Variants in MBP observed in about 807,000 individuals in gnomAD.
The protein encoded by MBP is myelin basic protein, also known as Golli-MBP.
A neutral mutation model predicts 35.8 loss-of-function variants in MBP; 16 were observed. The ratio of observed to expected loss-of-function variants is 0.45; its 90% CI spans 0.30 to 0.68. MBP has a LOEUF of 0.68. MBP is among the 30% of genes least tolerant of loss of function. MBP has a pLI of 0.08. For missense variants in MBP, 380 were observed against 404.7 expected (o/e 0.94, Z 0.52); for synonymous variants, 143 against 159.6 (o/e 0.90, Z 0.78).
intron 3 of MBP, among the ~76,000 whole-genome samples, chr18:77,050,008 A>C (rs1973421506): frequency 6.6e-6 from 1 of 152,142 alleles, no homozygotes; most frequent in African/African-American, 2.4e-5. Flanking sequence ...TCCCAAAACA[A>C]AAAGCACTTT....
chr18:77,035,584 C>T (rs1972732883), intron 3 of MBP, among the ~76,000 whole-genome samples: 1 of 152,222 alleles, frequency 6.6e-6, no homozygotes, highest in African/African-American at 2.4e-5. Flanking sequence ...TGTGAACTGT[C>T]TTGACCAGCA....
At chr18:77,018,148 CCCAT>C (rs1331178258) in intron 3 of MBP, among the ~76,000 whole-genome samples, 2 of 152,014 alleles carry the variant, frequency 1.3e-5, no homozygotes, top group African/African-American at 2.4e-5. Context: ...AGTCCATTTA[CCCAT>C]CCATCCATCT....
At chr18:77,086,082 A>G (rs924788354) in intron 2 of MBP, among the ~76,000 whole-genome samples, 7 of 152,238 alleles carry the variant, frequency 4.6e-5, no homozygotes, top group African/African-American at 1.7e-4. Flanking sequence ...CCTTACCTAA[A>G]GGAGCAAACT....
At chr18:77,028,851 TGTGATGGCGGCCGGGCAG>T (rs1568301457) in intron 3 of MBP, among the ~76,000 whole-genome samples, 65 of 66,746 alleles carry the variant, frequency 9.7e-4, no homozygotes, top group African/African-American at 1.6e-3. Flanking sequence ...ACTTCCCAGA[TGTGATGGCGGCCGGGCAG>T]AGGCGCTCCT....
intron 2 of MBP, among the ~76,000 whole-genome samples, chr18:77,081,819 TACACAC>T (rs763116257): frequency 3.9e-5 from 3 of 76,262 alleles, no homozygotes; most frequent in Non-Finnish European, 5.6e-5. Context: ...CACACATATA[TACACAC>T]ACACACACAC....
At chr18:77,042,549 C>G (rs1599128707) in intron 3 of MBP, among the ~76,000 whole-genome samples, 1 of 152,200 alleles carries the variant, frequency 6.6e-6, no homozygotes, top group East Asian at 1.9e-4. Context: ...ATAGACATGA[C>G]CCCCAGCTTA....
At chr18:77,039,774 C>G (rs1285718825) in intron 3 of MBP, among the ~76,000 whole-genome samples, 1 of 152,140 alleles carries the variant, frequency 6.6e-6, no homozygotes, top group Non-Finnish European at 1.5e-5. Flanking sequence ...GAAGGAAGAA[C>G]AGGATTTGTG....
At chr18:77,014,086 CCTTT>C in intron 4 of MBP, 1 of 985,474 alleles carries the variant, frequency 1.0e-6, no homozygotes, top group Non-Finnish European at 1.2e-6. Context: ...CAACAACAGT[CCTTT>C]CTTTCCTCTC....
At chr18:77,021,782 C>T (rs1472758243) in intron 3 of MBP, among the ~76,000 whole-genome samples, 4 of 152,212 alleles carry the variant, frequency 2.6e-5, no homozygotes, top group African/African-American at 9.6e-5. Context: ...CGTGCCCAGC[C>T]TCTACTTTTA....
chr18:77,091,967 A>T (rs1458827952), intron 2 of MBP, among the ~76,000 whole-genome samples: 1 of 152,260 alleles, frequency 6.6e-6, no homozygotes, highest in Non-Finnish European at 1.5e-5. Flanking sequence ...TAAACTTTTA[A>T]AACCAGATTG....
At chr18:77,047,326 C>T (rs925180647) in intron 3 of MBP, among the ~76,000 whole-genome samples, 5 of 152,232 alleles carry the variant, frequency 3.3e-5, no homozygotes, top group Admixed American at 6.5e-5. Context: ...GCAGCACTAG[C>T]GTGCGCTACT....
intron 4 of MBP, chr18:77,004,076 G>A (rs1970777780): frequency 1.3e-5 from 2 of 152,178 alleles, no homozygotes; most frequent in Non-Finnish European, 2.9e-5. Context: ...GGCTGGAGAT[G>A]AGACGACACA....
At chr18:77,084,431 C>CCACACACACACACACACACACA (rs60010988) in intron 2 of MBP, among the ~76,000 whole-genome samples, 1 of 105,884 alleles carries the variant, frequency 9.4e-6, no homozygotes. Context: ...CCACACCACA[C>CCACACACACACACACACACACA]CACACACACA....
chr18:77,085,232 A>G (rs1400765959), intron 2 of MBP, among the ~76,000 whole-genome samples: 1 of 152,224 alleles, frequency 6.6e-6, no homozygotes, highest in East Asian at 1.9e-4. Context: ...CCCAGAACAT[A>G]TTCCCCTGTG....
intron 1 of MBP, chr18:77,112,510 G>C (rs1357268300): frequency 6.6e-6 from 1 of 152,244 alleles, no homozygotes; most frequent in East Asian, 1.9e-4. Context: ...GGGAAGCTGA[G>C]GTTTTCCTAT....
intron 3 of MBP, among the ~76,000 whole-genome samples, chr18:77,039,603 G>T (rs1243217028): frequency 6.6e-6 from 1 of 152,240 alleles, no homozygotes; most frequent in East Asian, 1.9e-4. Flanking sequence ...CAGCAGGCAT[G>T]CAGGGGAGGG....
At position 77,020,023 on chromosome 18, in the gene MBP, A is replaced by G. The variant is rs1283911569; in HGVS notation, c.140-2755T>C. ...CTTGATGGCTGTGAACAGACTGTGG[A>G]AAGGGCAGAGCAGGCAGCTATGTGG... On this transcript the variant is annotated intron_variant, in intron 3 of 8. Transcript: ENST00000355994. This position sits in a 1 kb window ranked among gnomAD's most constrained non-coding sequence, Gnocchi z 4.1. 6.6e-6 allele frequency among the ~76,000 whole-genome samples: 1 copy of G among 152,134 alleles called. No homozygotes were observed. Among genetic ancestry groups the G allele is most frequent in the Non-Finnish European group, 1.5e-5 (1 of 68,008 alleles).
At chr18:77,014,285 T>C in intron 4 of MBP, 3 of 985,470 alleles carry the variant, frequency 3.0e-6, no homozygotes, top group Non-Finnish European at 3.6e-6. Flanking sequence ...CCAGCGGCCA[T>C]GTGCCCTCAA....
intron 3 of MBP, among the ~76,000 whole-genome samples, chr18:77,035,246 T>G (rs1415025594): frequency 6.6e-6 from 1 of 152,222 alleles, no homozygotes; most frequent in East Asian, 1.9e-4. Context: ...TCACAGTAAC[T>G]GGGACCCACC....
Sources: allele counts gnomAD v4.1 joint callset (sites outside exome capture counted in the v4.1 genomes callset), GRCh38; gene constraint gnomAD v4.1.1; non-coding constraint Gnocchi (gnomAD v3.1); transcripts MANE v1.5; gene names NCBI Gene and HGNC (gene_info 2026-07-23, HGNC 2026-07-21).